The following SMYD3 variants were observed in gnomAD, a reference collection of about 807,000 sequenced individuals.
SMYD3 encodes the protein histone-lysine N-methyltransferase SMYD3.
Under a neutral mutation model 57.7 loss-of-function variants are expected in SMYD3, and 36 were observed. That is an observed-to-expected ratio of 0.62 (90% CI 0.48 to 0.82). The LOEUF is 0.82. Ranked by LOEUF, SMYD3 falls within the 40% of genes least tolerant of loss-of-function variation. SMYD3 has a pLI of 0.00. For synonymous variants in SMYD3, 211 were observed against 195.0 expected (o/e 1.08, Z -0.68); for missense variants, 515 against 538.8 (o/e 0.96, Z 0.44).
rs2148706059 is a variant in SMYD3 at position 246,355,302 on chromosome 1, G to A, written c.165-208C>T. The A allele has an allele frequency of 1.9e-6, 1 of 539,588 alleles. No homozygotes were observed. The highest frequency in any genetic ancestry group is 3.3e-6 in the Non-Finnish European group (1 of 303,626). 33.4% of individuals were successfully genotyped at this position (539,588 alleles called of 1,614,324 possible). On this transcript the variant is annotated intron_variant, in intron 1 of 11. Transcript: ENST00000490107. This position sits in a 1 kb window ranked among gnomAD's most constrained non-coding sequence, Gnocchi z 5.0. ...ACTGATAGAAAAACTAAGTCCTTTT[G>A]TCTGACAGAAGATGGCGGGGAAGAG...
intron 10 of SMYD3, among the ~76,000 whole-genome samples, chr1:245,841,659 A>C (rs2050407991): frequency 6.6e-6 from 1 of 152,230 alleles, no homozygotes; most frequent in African/African-American, 2.4e-5. Flanking sequence ...TAAAGCATAT[A>C]AAAAAATAAA....
At chr1:246,024,228 T>G (rs1338048961) in intron 5 of SMYD3, among the ~76,000 whole-genome samples, 1 of 152,208 alleles carries the variant, frequency 6.6e-6, no homozygotes, top group East Asian at 1.9e-4. Context: ...TAGCTTACAT[T>G]TTATCTTTTT....
chr1:246,194,505 G>T (rs2148339203), intron 5 of SMYD3, among the ~76,000 whole-genome samples: 1 of 152,222 alleles, frequency 6.6e-6, no homozygotes, highest in Non-Finnish European at 1.5e-5. Flanking sequence ...CCGACCTCGT[G>T]TTCCGCCTGC....
At chr1:246,037,675 C>A (rs1390985040) in intron 5 of SMYD3, among the ~76,000 whole-genome samples, 1 of 152,226 alleles carries the variant, frequency 6.6e-6, no homozygotes, top group African/African-American at 2.4e-5. Flanking sequence ...CCGAGCGTCA[C>A]AATGTCATTC....
At chr1:245,789,983 G>C (rs1262307380) in intron 10 of SMYD3, among the ~76,000 whole-genome samples, 1 of 152,168 alleles carries the variant, frequency 6.6e-6, no homozygotes, top group African/African-American at 2.4e-5. Context: ...CCCATTATGG[G>C]CCAGACACTA....
chr1:245,869,539 A>C (rs1366014310), intron 8 of SMYD3, among the ~76,000 whole-genome samples: 2 of 152,180 alleles, frequency 1.3e-5, no homozygotes, highest in African/African-American at 4.8e-5. Context: ...GTCCTTCAAA[A>C]GCCTGTCTTT....
chr1:245,953,817 TCAAA>T (rs1216310985), intron 5 of SMYD3, among the ~76,000 whole-genome samples: 5 of 152,212 alleles, frequency 3.3e-5, no homozygotes, highest in Non-Finnish European at 5.9e-5. Flanking sequence ...GCCTGGTTCT[TCAAA>T]CAAACACAGG....
chr1:246,250,766 C>T (rs1428109936), intron 5 of SMYD3, among the ~76,000 whole-genome samples: 1 of 152,170 alleles, frequency 6.6e-6, no homozygotes, highest in Non-Finnish European at 1.5e-5. Flanking sequence ...CCCGAATCAA[C>T]TTTTAAAGTG....
intron 10 of SMYD3, among the ~76,000 whole-genome samples, chr1:245,821,670 A>G (rs1472722806): frequency 1.3e-5 from 2 of 150,304 alleles, no homozygotes; most frequent in Non-Finnish European, 3.0e-5. Flanking sequence ...TAATATCCAG[A>G]ATCTACAATG....
intron 10 of SMYD3, among the ~76,000 whole-genome samples, chr1:245,789,668 A>G (rs1558339871): frequency 1.3e-5 from 2 of 152,332 alleles, no homozygotes; most frequent in East Asian, 1.9e-4. Flanking sequence ...TATAAGCTCT[A>G]TATTTTACCT....
chr1:245,919,175 T>A (rs1475762668), intron 7 of SMYD3, among the ~76,000 whole-genome samples: 1 of 152,162 alleles, frequency 6.6e-6, no homozygotes, highest in Non-Finnish European at 1.5e-5. Context: ...TTGAGAGAGA[T>A]CTTCCTAAAA....
chr1:245,978,731 G>A (rs1045531164), intron 5 of SMYD3, among the ~76,000 whole-genome samples: 5 of 152,058 alleles, frequency 3.3e-5, no homozygotes, highest in African/African-American at 1.2e-4. Context: ...TTTGTCTCTC[G>A]TCAGCAATGC....
chr1:246,288,059 A>ATTTTT (rs1258559424), intron 5 of SMYD3, among the ~76,000 whole-genome samples: 9 of 98,570 alleles, frequency 9.1e-5, no homozygotes, highest in South Asian at 7.1e-4. Context: ...CCATCAGGTA[A>ATTTTT]TTCTTTTTTT....
intron 5 of SMYD3, among the ~76,000 whole-genome samples, chr1:246,305,079 C>G (rs963578386): frequency 3.3e-5 from 5 of 152,212 alleles, no homozygotes; most frequent in Non-Finnish European, 7.3e-5. Flanking sequence ...ACTTTACAAT[C>G]TATTGCCTAA....
At chr1:245,822,082 A>G (rs1477513032) in intron 10 of SMYD3, among the ~76,000 whole-genome samples, 2 of 152,192 alleles carry the variant, frequency 1.3e-5, no homozygotes, top group Non-Finnish European at 2.9e-5. Flanking sequence ...ATGCTGCTAT[A>G]AAGACACATG....
At chr1:246,016,767 G>C (rs564575766) in intron 5 of SMYD3, among the ~76,000 whole-genome samples, 1 of 151,842 alleles carries the variant, frequency 6.6e-6, no homozygotes, top group Non-Finnish European at 1.5e-5. Context: ...AGCTAACTAA[G>C]GTCAAAGAAA....
At chr1:245,776,263 T>C (rs1056390911) in intron 10 of SMYD3, among the ~76,000 whole-genome samples, 6 of 152,180 alleles carry the variant, frequency 3.9e-5, no homozygotes, top group African/African-American at 7.2e-5. Context: ...AATTTCTGAG[T>C]ACAAAGCCAG....
At chr1:245,940,896 AT>A (rs1322197098) in intron 5 of SMYD3, among the ~76,000 whole-genome samples, 2 of 152,224 alleles carry the variant, frequency 1.3e-5, no homozygotes, top group Non-Finnish European at 2.9e-5. Context: ...TTCTAACCCA[AT>A]GCAAAGAAGC....
chr1:246,065,565 C>T (rs538943495), intron 5 of SMYD3, among the ~76,000 whole-genome samples: 1 of 152,330 alleles, frequency 6.6e-6, no homozygotes, highest in South Asian at 2.1e-4. Context: ...CCCTCAAGTT[C>T]TACTGTGTAT....
Sources: allele counts gnomAD v4.1 joint callset (sites outside exome capture counted in the v4.1 genomes callset), GRCh38; gene constraint gnomAD v4.1.1; non-coding constraint Gnocchi (gnomAD v3.1); transcripts MANE v1.5; gene names NCBI Gene and HGNC (gene_info 2026-07-23, HGNC 2026-07-21).